The following BTBD9 variants were observed in gnomAD, a reference collection of about 807,000 sequenced individuals.
BTBD9 encodes the protein BTB/POZ domain-containing protein 9.
BTBD9 carries 49 observed loss-of-function variants against 64.3 expected under a neutral mutation model. That is an observed-to-expected ratio of 0.76 (90% CI 0.61 to 0.97). The LOEUF (loss-of-function observed/expected upper bound fraction) is 0.97, where lower values mean the gene tolerates loss of function less well. BTBD9 is among the 50% of genes least tolerant of loss of function. The probability of loss-of-function intolerance (pLI) is 0.00; values close to 1 mark genes in which losing one functional copy is unlikely to be tolerated. For missense variants in BTBD9, 598 were observed against 762.1 expected (o/e 0.78, Z 2.53); for synonymous variants, 260 against 274.7 (o/e 0.95, Z 0.53).
At chr6:38,497,308 T>C (rs1019950113) in intron 6 of BTBD9, among the ~76,000 whole-genome samples, 1 of 152,224 alleles carries the variant, frequency 6.6e-6, no homozygotes, top group Admixed American at 6.5e-5. Flanking sequence ...GCAGTTGCTG[T>C]ATACGATCTA....
At chr6:38,212,194 G>A (rs1163574449) in intron 9 of BTBD9, among the ~76,000 whole-genome samples, 2 of 152,172 alleles carry the variant, frequency 1.3e-5, no homozygotes, top group Non-Finnish European at 2.9e-5. Context: ...CTGAGCAGGG[G>A]CTCTCCACCC....
At chr6:38,282,247 C>T (rs1486855484) in intron 8 of BTBD9, among the ~76,000 whole-genome samples, 2 of 152,266 alleles carry the variant, frequency 1.3e-5, no homozygotes, top group Admixed American at 1.3e-4. Flanking sequence ...CAATTATCCA[C>T]TTTTAAGGCA....
chr6:38,556,918 C>T (rs1322240602), intron 6 of BTBD9, among the ~76,000 whole-genome samples: 3 of 142,038 alleles, frequency 2.1e-5, no homozygotes, highest in Non-Finnish European at 4.5e-5. Flanking sequence ...GAGGCTGAGG[C>T]AAGAGAATCG....
intron 3 of BTBD9, 119 bp downstream of exon 3, chr6:38,593,845 G>A: frequency 1.1e-6 from 1 of 922,312 alleles, no homozygotes; most frequent in Non-Finnish European, 1.6e-6. Context: ...GATAACCAAT[G>A]ATAACGCTTT....
chr6:38,610,444 G>A (rs1777577085), intron 1 of BTBD9, among the ~76,000 whole-genome samples: 1 of 152,184 alleles, frequency 6.6e-6, no homozygotes, highest in Non-Finnish European at 1.5e-5. Context: ...AGCAAGGGGA[G>A]GAGACACTCA....
chr6:38,275,305 C>T (rs1196138326), intron 8 of BTBD9, among the ~76,000 whole-genome samples: 22 of 151,876 alleles, frequency 1.4e-4, no homozygotes, highest in African/African-American at 4.1e-4. Context: ...ATGTAGAAAG[C>T]TGAAACTGGA....
At chr6:38,355,288 T>C (rs1764675620) in intron 6 of BTBD9, among the ~76,000 whole-genome samples, 1 of 152,170 alleles carries the variant, frequency 6.6e-6, no homozygotes, top group African/African-American at 2.4e-5. Flanking sequence ...TAAAAAGACA[T>C]TTCCCCAGAT....
chr6:38,208,556 G>A (rs1762731842), intron 9 of BTBD9, among the ~76,000 whole-genome samples: 1 of 152,174 alleles, frequency 6.6e-6, no homozygotes, highest in African/African-American at 2.4e-5. Flanking sequence ...TAGAGAGGGT[G>A]TCCTATGTGG....
At chr6:38,426,810 C>T (rs1768180046) in intron 6 of BTBD9, among the ~76,000 whole-genome samples, 1 of 151,762 alleles carries the variant, frequency 6.6e-6, no homozygotes. Flanking sequence ...ATCCATGAGG[C>T]CAAGAACCCC....
chr6:38,456,352 C>T (rs961886733), intron 6 of BTBD9, among the ~76,000 whole-genome samples: 5 of 152,124 alleles, frequency 3.3e-5, no homozygotes, highest in Admixed American at 6.5e-5. Flanking sequence ...TGTGAACGTA[C>T]GATTTCACTT....
chr6:38,422,901 A>T (rs1407499901), intron 6 of BTBD9, among the ~76,000 whole-genome samples: 1 of 152,114 alleles, frequency 6.6e-6, no homozygotes, highest in Non-Finnish European at 1.5e-5. Context: ...GGAAGTCATG[A>T]TCAGCCTGGT....
chr6:38,611,323 C>T (rs1354229215), intron 1 of BTBD9, among the ~76,000 whole-genome samples: 2 of 152,120 alleles, frequency 1.3e-5, no homozygotes, highest in African/African-American at 4.8e-5. Flanking sequence ...ATGTATTTCT[C>T]AAGTGTTTCC....
At chr6:38,480,107 T>G (rs1202231766) in intron 6 of BTBD9, among the ~76,000 whole-genome samples, 5 of 152,126 alleles carry the variant, frequency 3.3e-5, no homozygotes, top group Non-Finnish European at 4.4e-5. Flanking sequence ...AATACAATAC[T>G]TAAGATTTAC....
intron 9 of BTBD9, among the ~76,000 whole-genome samples, chr6:38,248,999 T>C (rs1017432783): frequency 2.0e-5 from 3 of 152,108 alleles, no homozygotes; most frequent in Non-Finnish European, 2.9e-5. Flanking sequence ...GAAGAGAATA[T>C]CCTAAAGGCT....
intron 1 of BTBD9, among the ~76,000 whole-genome samples, chr6:38,636,039 CCATT>C (rs1323955881): frequency 6.6e-6 from 1 of 152,148 alleles, no homozygotes; most frequent in Non-Finnish European, 1.5e-5. Context: ...GCAACAGCTG[CCATT>C]TATTATATTA....
At position 38,293,563 on chromosome 6, in the gene BTBD9, G is replaced by A. The variant is rs149812344; in HGVS notation, c.1265-5102C>T. On this transcript the variant is annotated intron_variant, in intron 7 of 10. Coordinates refer to ENST00000481247, the MANE Select transcript of BTBD9 (RefSeq NM_001099272.2). Reference sequence around the variant, plus strand: ...GACAAACCTGACAAAAACAAGCAACGGGGAAAGGATTCCCTATTTAATAAA... The same window carrying A: ...GACAAACCTGACAAAAACAAGCAACAGGGAAAGGATTCCCTATTTAATAAA... Among the ~76,000 whole-genome samples, 951 of 152,224 alleles carry A rather than the reference G, an allele frequency of 6.2e-3. 9 individuals carry two copies. The highest frequency in any genetic ancestry group is 0.021 in the African/African-American group (877 of 41,544).
At chr6:38,398,795 T>C (rs541043158) in intron 6 of BTBD9, among the ~76,000 whole-genome samples, 4 of 152,360 alleles carry the variant, frequency 2.6e-5, no homozygotes, top group South Asian at 2.1e-4. Flanking sequence ...TTTATTCTTA[T>C]ACCCATTTAA....
chr6:38,335,170 A>G (rs1032888641), intron 7 of BTBD9, among the ~76,000 whole-genome samples: 1 of 152,148 alleles, frequency 6.6e-6, no homozygotes, highest in African/African-American at 2.4e-5. Context: ...CTCCCCAGCC[A>G]TGCACAACTG....
chr6:38,251,111 T>C (rs928570625), intron 9 of BTBD9, among the ~76,000 whole-genome samples: 1 of 150,500 alleles, frequency 6.6e-6, no homozygotes, highest in Non-Finnish European at 1.5e-5. Context: ...ATAATAATAA[T>C]AGAGGTTTAA....
Sources: gnomAD v4.1 joint callset for allele counts (sites outside exome capture counted in the v4.1 genomes callset) on GRCh38, gnomAD v4.1.1 for gene constraint, MANE v1.5 for transcripts, NCBI Gene and HGNC (gene_info 2026-07-23, HGNC 2026-07-21) for gene names.